Variants in ZC3HAV1L observed in about 807,000 individuals in gnomAD.
The protein encoded by ZC3HAV1L is ZC3HAV1 like, also known as zinc finger CCCH-type antiviral protein 1-like.
Under a neutral mutation model 28.2 loss-of-function variants are expected in ZC3HAV1L, and 23 were observed. The observed-to-expected ratio is 0.82, with a 90% confidence interval of 0.59 to 1.16. ZC3HAV1L has a LOEUF of 1.16. Ranked by LOEUF, ZC3HAV1L falls within the 50% of genes most tolerant of loss-of-function variation. The pLI is 0.00. For missense variants in ZC3HAV1L, 376 were observed against 387.7 expected, an observed-to-expected ratio of 0.97 and a Z score of 0.25; for synonymous variants, 180 against 163.4, an observed-to-expected ratio of 1.10 and a Z score of -0.78.
At chr7:139,028,381 AAACAAAAAC>A (rs1014956131) in intron 3 of ZC3HAV1L, among the ~76,000 whole-genome samples, 2 of 151,028 alleles carry the variant, frequency 1.3e-5, no homozygotes, top group African/African-American at 2.4e-5. Flanking sequence ...TCAAAAAAAA[AAACAAAAAC>A]AAAACCTGTT....
chr7:139,035,529 C>T (rs1815680822), intron 1 of ZC3HAV1L, 124 bp downstream of exon 1: 1 of 1,312,152 alleles, frequency 7.6e-7, no homozygotes, highest in Admixed American at 4.2e-5. Flanking sequence ...GGGAGGGGGT[C>T]GTCCAGCCCC....
At chr7:139,033,365 C>A (rs1166544738) in intron 2 of ZC3HAV1L, among the ~76,000 whole-genome samples, 3 of 152,158 alleles carry the variant, frequency 2.0e-5, no homozygotes, top group African/African-American at 7.2e-5. Context: ...AGAAATTTGT[C>A]CATCAATGCA....
chr7:139,032,633 A>C, intron 2 of ZC3HAV1L, among the ~76,000 whole-genome samples: 1 of 151,186 alleles, frequency 6.6e-6, no homozygotes, highest in African/African-American at 2.4e-5. Flanking sequence ...AAAAAAAAAG[A>C]AATAAATAAA....
At position 139,033,522 on chromosome 7, in the gene ZC3HAV1L, G is replaced by A. The variant is rs765689143; in HGVS notation, c.501+1021C>T. ...CAGTCCCTGCTGCCCACATGATCAC[G>A]TTTTGTGCCACATGTCACCTACTTC... is the stretch of plus-strand genomic sequence containing the variant. On this transcript the variant is annotated intron_variant, in intron 2 of 4. Coordinates refer to ENST00000275766, the MANE Select transcript of ZC3HAV1L (RefSeq NM_080660.4). Among the ~76,000 whole-genome samples the A allele has an allele frequency of 3.3e-5, 5 of 152,234 alleles. No individual in the cohort carries two copies. The South Asian group carries it at 6.2e-4, about 19-fold the overall frequency.
intron 2 of ZC3HAV1L, 133 bp from the exon 3 acceptor site, chr7:139,029,093 C>T (rs1210124272): frequency 9.3e-7 from 1 of 1,069,940 alleles, no homozygotes; most frequent in Non-Finnish European, 1.3e-6. Flanking sequence ...ACCTCCATCT[C>T]CCGCGTTCAA....
At chr7:139,022,472 A>G (rs1196205442), downstream of ZC3HAV1L, 1 of 382,574 alleles carries the variant, frequency 2.6e-6, no homozygotes. Context: ...CTTGAGCCTG[A>G]GAAATCAAGG....
intron 1 of ZC3HAV1L, 123 bp downstream of exon 1, chr7:139,035,530 G>A: frequency 7.6e-7 from 1 of 1,317,738 alleles, no homozygotes; most frequent in East Asian, 3.2e-5. Flanking sequence ...GGAGGGGGTC[G>A]TCCAGCCCCG....
At chr7:139,032,463 T>C (rs1815562222) in intron 2 of ZC3HAV1L, among the ~76,000 whole-genome samples, 1 of 151,282 alleles carries the variant, frequency 6.6e-6, no homozygotes, top group Admixed American at 6.6e-5. Context: ...TGAAACCCCA[T>C]CTCTACTAAA....
Position 139,028,744 on chromosome 7 carries a change from T to G in ZC3HAV1L, c.718A>C (p.Thr240Pro). 1 of 1,614,182 alleles carries G rather than the reference T, an allele frequency of 6.2e-7. No individual in the cohort carries two copies. Among genetic ancestry groups the G allele is most frequent in the Admixed American group, 1.7e-5 (1 of 60,018 alleles). The change falls in exon 3 of 5, where the codon ACC becomes CCC. Residue 240 changes from threonine (T) to proline (P), a missense_variant. Transcript: ENST00000275766. ...TTGTGCAGCTTCATATGCTTGTAGG[T>G]GGAGATTATCTGAAAATTAACAACA... The part of the protein sequence containing the change: ...PSVVNFQIIS[T>P]YKHMKLHKML...
At chr7:139,023,738 C>G (rs10257087), downstream of ZC3HAV1L, among the ~76,000 whole-genome samples, 80,760 of 151,984 alleles carry the variant, frequency 0.53, 21,803 homozygotes, top group African/African-American at 0.56. Context: ...GCAGTGGGAA[C>G]AGGGCACCTT....
chr7:139,025,265 A>T (rs1815322846), downstream of ZC3HAV1L, among the ~76,000 whole-genome samples: 1 of 152,142 alleles, frequency 6.6e-6, no homozygotes, highest in African/African-American at 2.4e-5. Context: ...CCTGGCCAAC[A>T]TGGTGAAACC....
rs1234868706 is a variant in ZC3HAV1L at position 139,031,367 on chromosome 7, C to CT, written c.502-2408dup. ...TGGGAGGCCAAGGCAGGCGGATTGC[C>CT]TGAGCTCAGGAGTTTGAGATCAGCC... On this transcript the variant is annotated intron_variant, in intron 2 of 4. Coordinates refer to ENST00000275766, the MANE Select transcript of ZC3HAV1L (RefSeq NM_080660.4). Among the ~76,000 whole-genome samples the CT allele has an allele frequency of 3.3e-5, 5 of 151,938 alleles. No homozygotes were observed. In the South Asian group the frequency reaches 1.0e-3, roughly 32 times the overall value.
At chr7:139,021,890 C>T (rs1034753774), downstream of ZC3HAV1L, among the ~76,000 whole-genome samples, 4 of 151,806 alleles carry the variant, frequency 2.6e-5, no homozygotes, top group African/African-American at 9.7e-5. Context: ...TTAGAAAGAG[C>T]AAACAGGCCA....
chr7:139,026,220 T>C lies in ZC3HAV1L; in HGVS notation c.*324A>G, dbSNP rs1815347991. ...TGTGCAAAAACATGATTATGTACGA[T>C]GTGAACAAATATAGAAAGATGCTTA... On this transcript the variant is annotated 3_prime_UTR_variant, in exon 5 of 5. Transcript: ENST00000275766. The C allele has an allele frequency of 6.0e-6, 2 of 334,320 alleles. No individual in the cohort carries two copies. Among genetic ancestry groups the C allele is most frequent in the Non-Finnish European group, 1.1e-5 (2 of 185,132 alleles). The allele number at this position is 334,320 out of a possible 1,614,324, so 20.7% of individuals were successfully genotyped here. A position where few individuals can be genotyped will look rare whatever the true frequency, so the allele number is the denominator to read the frequency against.
In ZC3HAV1L at chr7:139,028,837, GT is replaced by G. The variant is rs767740413; in HGVS notation, c.624del (p.Lys208AsnfsTer12). ...GCAGCATGGATAAGCTGATGGGACC[GT>G]TTGCAGGTCTGAAGTTTGCATTCTC... ...VKGECKLQTC[K>X]RSHQLIHAAS... On this transcript the variant is annotated frameshift_variant, in exon 3 of 5. Transcript: ENST00000275766. LOFTEE classifies it high-confidence loss of function. 3.8e-5 allele frequency: 62 copies of G among 1,614,026 alleles called. No individual in the cohort carries two copies. Among genetic ancestry groups the G allele is most frequent in the Non-Finnish European group, 5.2e-5 (61 of 1,180,028 alleles).
downstream of ZC3HAV1L, among the ~76,000 whole-genome samples, chr7:139,024,436 A>G (rs1248756634): frequency 3.3e-5 from 5 of 152,222 alleles, no homozygotes; most frequent in East Asian, 9.6e-4. Flanking sequence ...CACTGTTTCC[A>G]TTAAAGATTT....
chr7:139,035,355 C>T lies in ZC3HAV1L; in HGVS notation c.365+298G>A, dbSNP rs981918667. 4 of 985,470 alleles carry T rather than the reference C, an allele frequency of 4.1e-6. No individual in the cohort carries two copies. The African/African-American group carries it at 7.0e-5, about 17-fold the overall frequency. 61.0% of individuals were successfully genotyped at this position (985,470 alleles called of 1,614,324 possible). A position where few individuals can be genotyped will look rare whatever the true frequency, so the allele number is the denominator to read the frequency against. ...CACCAGAATAAGTGAGCTCCGAAGT[C>T]CCAGTCCGGATTTAACCCGGCCGCG... On this transcript the variant is annotated intron_variant, in intron 1 of 4. Coordinates refer to ENST00000275766, the MANE Select transcript of ZC3HAV1L (RefSeq NM_080660.4).
chr7:139,035,566 G>A, intron 1 of ZC3HAV1L, 87 bp downstream of exon 1: 2 of 1,338,694 alleles, frequency 1.5e-6, no homozygotes, highest in Non-Finnish European at 9.5e-7. Context: ...GCAGGACGAA[G>A]CCCCCCTTCC....
chr7:139,030,041 T>C (rs375819310), intron 2 of ZC3HAV1L, among the ~76,000 whole-genome samples: 16 of 152,332 alleles, frequency 1.1e-4, no homozygotes, highest in African/African-American at 3.6e-4. Flanking sequence ...GAAATAGAAC[T>C]GTCCAGGTTT....
Sources: gnomAD v4.1 joint callset for allele counts (sites outside exome capture counted in the v4.1 genomes callset) on GRCh38, gnomAD v4.1.1 for gene constraint, MANE v1.5 for transcripts, NCBI Gene and HGNC (gene_info 2026-07-23, HGNC 2026-07-21) for gene names.